The following XIRP2 variants were observed in gnomAD, a reference collection of about 807,000 sequenced individuals.
The protein encoded by XIRP2 is xin actin binding repeat containing 2.
Under a neutral mutation model 277.0 loss-of-function variants are expected in XIRP2, and 236 were observed. The observed-to-expected ratio is 0.85, with a 90% CI of 0.77 to 0.95. The LOEUF (loss-of-function observed/expected upper bound fraction) is 0.95. Among genes scored for constraint, XIRP2 ranks in the 40% least tolerant of loss-of-function variants. XIRP2 has a pLI of 0.00. For synonymous variants in XIRP2, 1,490 were observed against 1,416.5 expected, an observed-to-expected ratio of 1.05 and a Z score of -1.17; for missense variants, 4,640 against 4,157.5, an observed-to-expected ratio of 1.12 and a Z score of -3.19.
intron 2 of XIRP2, among the ~76,000 whole-genome samples, chr2:166,919,157 A>G (rs984665652): frequency 6.6e-6 from 1 of 152,150 alleles, no homozygotes; most frequent in Non-Finnish European, 1.5e-5. Flanking sequence ...TATGTATTTC[A>G]TAATACATGG....
chr2:167,040,404 G>A (rs1688630897), intron 2 of XIRP2, among the ~76,000 whole-genome samples: 1 of 152,090 alleles, frequency 6.6e-6, no homozygotes, highest in African/African-American at 2.4e-5. Flanking sequence ...AGTAGATCCT[G>A]GGGAAGGGGT....
intron 2 of XIRP2, among the ~76,000 whole-genome samples, chr2:166,904,330 T>C (rs1684463172): frequency 6.6e-6 from 1 of 152,186 alleles, no homozygotes; most frequent in Non-Finnish European, 1.5e-5. Flanking sequence ...ATCCAGGTTT[T>C]AATCCTAAAG....
chr2:166,920,635 T>G (rs540093186), intron 2 of XIRP2, among the ~76,000 whole-genome samples: 58 of 152,306 alleles, frequency 3.8e-4, no homozygotes, highest in Non-Finnish European at 7.2e-4. Flanking sequence ...CTAAAGTTGT[T>G]TTACTTTTGA....
At chr2:167,242,512 A>G in intron 8 of XIRP2, 57 bp from the exon 9 acceptor site, 2 of 1,528,328 alleles carry the variant, frequency 1.3e-6, no homozygotes, top group Non-Finnish European at 1.8e-6. Flanking sequence ...GGCAGTGCCT[A>G]GGAAGCCTCT....
In XIRP2 at chr2:167,171,644, G is replaced by A. The variant is rs529478705; in HGVS notation, c.562+35582G>A. ...TTAGTCTGCTTATTCTGTCAAGTATGGAAAGAGATGTTAAAGCTCCCAACT... is the reference window on the plus strand; with the variant it reads ...TTAGTCTGCTTATTCTGTCAAGTATAGAAAGAGATGTTAAAGCTCCCAACT... On this transcript the variant is annotated intron_variant, in intron 3 of 10. Transcript: ENST00000409195. Among the ~76,000 whole-genome samples, 5 of 152,318 alleles carry A rather than the reference G, an allele frequency of 3.3e-5. No individual in the cohort carries two copies. In the East Asian group the frequency reaches 9.6e-4, roughly 29 times the overall value.
intron 3 of XIRP2, among the ~76,000 whole-genome samples, chr2:167,185,415 G>A (rs1452042040): frequency 6.6e-6 from 1 of 151,972 alleles, no homozygotes; most frequent in Non-Finnish European, 1.5e-5. Context: ...TAATGTATAT[G>A]TATTTTTATC....
intron 3 of XIRP2, among the ~76,000 whole-genome samples, chr2:167,195,333 C>T (rs1483880663): frequency 1.3e-5 from 2 of 152,318 alleles, no homozygotes; most frequent in East Asian, 3.9e-4. Context: ...AGGCTACTCG[C>T]AGCCACATTT....
chr2:167,099,203 C>T (rs1391945752), intron 2 of XIRP2, among the ~76,000 whole-genome samples: 1 of 152,090 alleles, frequency 6.6e-6, no homozygotes, highest in Non-Finnish European at 1.5e-5. Flanking sequence ...GATGCCCTGC[C>T]CAGAAAGGAG....
At chr2:166,889,049 G>C (rs1418986003) in intron 1 of XIRP2, among the ~76,000 whole-genome samples, 1 of 152,132 alleles carries the variant, frequency 6.6e-6, no homozygotes, top group Non-Finnish European at 1.5e-5. Context: ...AAGGGCATGA[G>C]CCTGCAGCTG....
At chr2:167,158,738 C>T (rs1211078618) in intron 3 of XIRP2, among the ~76,000 whole-genome samples, 1 of 152,158 alleles carries the variant, frequency 6.6e-6, no homozygotes. Context: ...ATACATATGA[C>T]ATTTAACCAT....
intron 2 of XIRP2, among the ~76,000 whole-genome samples, chr2:166,957,543 A>C (rs1460383739): frequency 6.6e-6 from 1 of 151,832 alleles, no homozygotes; most frequent in Non-Finnish European, 1.5e-5. Context: ...TAGATGCTAC[A>C]TCAAATAAAC....
chr2:167,024,619 A>G (rs923050135), intron 2 of XIRP2, among the ~76,000 whole-genome samples: 2 of 152,168 alleles, frequency 1.3e-5, no homozygotes, highest in African/African-American at 4.8e-5. Flanking sequence ...TTATTTTGAG[A>G]TACATCCCAT....
intron 2 of XIRP2, among the ~76,000 whole-genome samples, chr2:167,025,324 G>T (rs1479902863): frequency 1.3e-5 from 2 of 151,976 alleles, no homozygotes. Context: ...TTTTTATTGT[G>T]TCTATTTGAT....
In XIRP2 at chr2:167,162,674, C is replaced by T. The variant is rs117967380; in HGVS notation, c.562+26612C>T. Among the ~76,000 whole-genome samples, 23 of 152,190 alleles carry T rather than the reference C, an allele frequency of 1.5e-4. No individual in the cohort carries two copies. In the East Asian group the frequency reaches 3.5e-3, roughly 23 times the overall value. ...TCAACCAGTTTAATATTCTGCTTTT[C>T]GAATGTATTGATATTTTCGTATATT... On this transcript the variant is annotated intron_variant, in intron 3 of 10. Transcript: ENST00000409195.
intron 2 of XIRP2, among the ~76,000 whole-genome samples, chr2:166,969,727 G>A (rs1317709703): frequency 6.6e-6 from 1 of 150,916 alleles, no homozygotes; most frequent in Non-Finnish European, 1.5e-5. Flanking sequence ...TCTCGTGTAT[G>A]TTCATTATGC....
chr2:167,103,622 T>C (rs1443460851), intron 2 of XIRP2, among the ~76,000 whole-genome samples: 2 of 152,230 alleles, frequency 1.3e-5, no homozygotes, highest in Non-Finnish European at 2.9e-5. Flanking sequence ...TTTGACCGGA[T>C]GTTATTACAG....
At position 166,940,075 on chromosome 2, in the gene XIRP2, C is replaced by G. The variant is rs1303110170; in HGVS notation, c.408+36185C>G. On this transcript the variant is annotated intron_variant, in intron 2 of 10. Coordinates refer to ENST00000409195, the MANE Select transcript of XIRP2 (RefSeq NM_152381.6). ...TTGGTTCCATTCTCCCTGTCACTTT[C>G]AGGTACACCAGTCAGACTTAGATTT... 2.0e-5 allele frequency among the ~76,000 whole-genome samples: 3 copies of G among 152,220 alleles called. No individual in the cohort carries two copies. The East Asian group carries it at 5.8e-4, about 29-fold the overall frequency.
At chr2:166,982,787 C>T (rs1009512910) in intron 2 of XIRP2, among the ~76,000 whole-genome samples, 11 of 152,144 alleles carry the variant, frequency 7.2e-5, no homozygotes, top group African/African-American at 1.9e-4. Context: ...AATCCATGCA[C>T]GCAAATTCCA....
At chr2:167,012,935 T>C (rs574536350) in intron 2 of XIRP2, among the ~76,000 whole-genome samples, 38 of 151,578 alleles carry the variant, frequency 2.5e-4, no homozygotes, top group South Asian at 2.5e-3. Flanking sequence ...TTCATGATGA[T>C]AAAAATTAGG....
Sources: gnomAD v4.1 joint callset for allele counts (sites outside exome capture counted in the v4.1 genomes callset) on GRCh38, gnomAD v4.1.1 for gene constraint, MANE v1.5 for transcripts, NCBI Gene and HGNC (gene_info 2026-07-23, HGNC 2026-07-21) for gene names.